The following DNAJB6 variants were observed in gnomAD, a reference collection of about 807,000 sequenced individuals.
The protein encoded by DNAJB6 is dnaJ homolog subfamily B member 6.
DNAJB6 carries 16 observed loss-of-function variants against 42.7 expected under a neutral mutation model. The observed-to-expected ratio is 0.37, with a 90% CI of 0.25 to 0.57. The LOEUF (loss-of-function observed/expected upper bound fraction) is 0.57, where lower values mean the gene tolerates loss of function less well. Ranked by LOEUF, DNAJB6 falls within the 20% of genes least tolerant of loss-of-function variation. The pLI, the probability that DNAJB6 is intolerant of heterozygous loss-of-function variation, is 0.74. For missense variants in DNAJB6, 347 were observed against 416.8 expected (o/e 0.83, Z 1.46); for synonymous variants, 170 against 163.5 (o/e 1.04, Z -0.30).
intron 1 of DNAJB6, among the ~76,000 whole-genome samples, chr7:157,338,246 T>G (rs1049472281): frequency 1.3e-5 from 2 of 152,164 alleles, no homozygotes; most frequent in African/African-American, 2.4e-5. Flanking sequence ...TCAGAACGAT[T>G]CATGATTTCT....
At chr7:157,337,224 C>CT (rs1029650749) in intron 1 of DNAJB6, 80 bp downstream of exon 1, 2 of 152,258 alleles carry the variant, frequency 1.3e-5, no homozygotes, top group African/African-American at 2.4e-5. Context: ...TCACCCGGCG[C>CT]CTGGCAACAG....
chr7:157,404,011 G>A (rs922824346), intron 8 of DNAJB6, among the ~76,000 whole-genome samples: 28 of 152,076 alleles, frequency 1.8e-4, no homozygotes, highest in Non-Finnish European at 1.3e-4. Flanking sequence ...CTGTTACCCA[G>A]GCAGGAGTGC....
chr7:157,355,639 G>C (rs1464728366), intron 1 of DNAJB6, among the ~76,000 whole-genome samples: 1 of 151,800 alleles, frequency 6.6e-6, no homozygotes, highest in Non-Finnish European at 1.5e-5. Context: ...CAGCAGGACT[G>C]GGGGATGAGT....
chr7:157,365,957 C>T (rs887077151), intron 3 of DNAJB6, among the ~76,000 whole-genome samples: 10 of 119,742 alleles, frequency 8.4e-5, no homozygotes, highest in African/African-American at 2.2e-4. Flanking sequence ...AGCTACCTCG[C>T]GTGGCTAAGT....
intron 7 of DNAJB6, 69 bp downstream of exon 7, chr7:157,385,077 CGT>C: frequency 1.3e-6 from 2 of 1,517,150 alleles, no homozygotes; most frequent in Non-Finnish European, 1.8e-6. Flanking sequence ...CCATGTTGCA[CGT>C]CTCCCAGAGT....
Position 157,407,173 on chromosome 7 carries a change from C to G in DNAJB6, c.692-2622C>G, listed in dbSNP as rs560163349. The stretch of plus-strand genomic sequence containing the variant: ...GCAGCGAGACTGGGCTTCCCAGAGC[C>G]AGGATGAGCCAGGATGTGTGGGGTT... On this transcript the variant is annotated intron_variant, in intron 8 of 9. Coordinates refer to ENST00000262177, the MANE Select transcript of DNAJB6 (RefSeq NM_058246.4). 2.0e-5 allele frequency among the ~76,000 whole-genome samples: 3 copies of G among 152,082 alleles called. No homozygotes were observed. The South Asian group carries it at 6.2e-4, about 31-fold the overall frequency.
At chr7:157,367,632 G>A (rs769131700) in intron 5 of DNAJB6, 149 bp downstream of exon 5, 19 of 581,450 alleles carry the variant, frequency 3.3e-5, no homozygotes, top group Middle Eastern at 2.7e-4. Context: ...AGCCTGAGGC[G>A]GGCAGATCAC....
At chr7:157,410,388 C>CCCTG (rs1260014179) in intron 9 of DNAJB6, 1 of 379,282 alleles carries the variant, frequency 2.6e-6, no homozygotes, top group Non-Finnish European at 4.7e-6. Flanking sequence ...CTGCGTTTGC[C>CCCTG]CCTGCCCCTC....
chr7:157,358,530 C>T lies in DNAJB6; in HGVS notation c.-26-17C>T. 3 of 1,558,700 alleles carry T rather than the reference C, an allele frequency of 1.9e-6. No homozygotes were observed. Among genetic ancestry groups the T allele is most frequent in the Non-Finnish European group, 2.7e-6 (3 of 1,130,676 alleles). ...TCCCCAGCAGCCTCATCACTGACCA[C>T]CTGTTTTTACTTGCAGGACCCATTC... On this transcript the variant is annotated splice_polypyrimidine_tract_variant and intron_variant, in intron 1 of 9. Coordinates refer to ENST00000262177, the MANE Select transcript of DNAJB6 (RefSeq NM_058246.4).
At chr7:157,345,902 A>C (rs1798660132) in intron 1 of DNAJB6, among the ~76,000 whole-genome samples, 1 of 151,984 alleles carries the variant, frequency 6.6e-6, no homozygotes. Context: ...TTTAAAATGC[A>C]GGTGATGCAC....
chr7:157,351,083 T>A (rs989749178), intron 1 of DNAJB6, among the ~76,000 whole-genome samples: 2 of 152,040 alleles, frequency 1.3e-5, no homozygotes, highest in Non-Finnish European at 2.9e-5. Flanking sequence ...TACAGGAATG[T>A]GCCACCATGC....
intron 1 of DNAJB6, among the ~76,000 whole-genome samples, chr7:157,357,610 G>C (rs1362262591): frequency 6.6e-6 from 1 of 151,942 alleles, no homozygotes; most frequent in Non-Finnish European, 1.5e-5. Context: ...GCGCCCGGCT[G>C]TGCAGATTCT....
At chr7:157,351,441 G>A (rs1450044247) in intron 1 of DNAJB6, among the ~76,000 whole-genome samples, 8 of 151,464 alleles carry the variant, frequency 5.3e-5, no homozygotes, top group African/African-American at 1.7e-4. Flanking sequence ...CATCCTGGCT[G>A]GCATGGTGAA....
intron 3 of DNAJB6, among the ~76,000 whole-genome samples, chr7:157,366,184 C>A (rs954555984): frequency 6.6e-6 from 1 of 152,228 alleles, no homozygotes; most frequent in Non-Finnish European, 1.5e-5. Flanking sequence ...CTCCTGACCT[C>A]AGGTGATCTG....
intron 8 of DNAJB6, among the ~76,000 whole-genome samples, chr7:157,408,222 T>C (rs1335562872): frequency 6.6e-6 from 1 of 152,072 alleles, no homozygotes; most frequent in Non-Finnish European, 1.5e-5. Context: ...GCGGGCCGGG[T>C]GTTGACAATG....
At chr7:157,357,559 C>T (rs1369497690) in intron 1 of DNAJB6, among the ~76,000 whole-genome samples, 1 of 151,870 alleles carries the variant, frequency 6.6e-6, no homozygotes, top group Non-Finnish European at 1.5e-5. Context: ...GATCCACCTC[C>T]CTCGGCCTCC....
At chr7:157,411,420 G>A (rs1389124972) in intron 9 of DNAJB6, 1 of 148,550 alleles carries the variant, frequency 6.7e-6, no homozygotes, top group Non-Finnish European at 1.5e-5. Context: ...CCTGCACTGA[G>A]CGGGCGTAGG....
At chr7:157,366,185 A>G (rs1368606897) in intron 3 of DNAJB6, among the ~76,000 whole-genome samples, 1 of 152,206 alleles carries the variant, frequency 6.6e-6, no homozygotes, top group East Asian at 1.9e-4. Context: ...TCCTGACCTC[A>G]GGTGATCTGC....
intron 3 of DNAJB6, among the ~76,000 whole-genome samples, chr7:157,363,529 C>T (rs1013991952): frequency 8.5e-5 from 13 of 152,160 alleles, no homozygotes; most frequent in African/African-American, 3.1e-4. Context: ...GACTAGACAT[C>T]CTGGGTTTGA....
Sources: allele counts gnomAD v4.1 joint callset (sites outside exome capture counted in the v4.1 genomes callset), GRCh38; gene constraint gnomAD v4.1.1; transcripts MANE v1.5; gene names NCBI Gene and HGNC (gene_info 2026-07-23, HGNC 2026-07-21).